Variants in NAAA observed in about 807,000 individuals in gnomAD.
The protein encoded by NAAA is N-acylethanolamine acid amidase.
In NAAA, 39 loss-of-function variants were observed where a neutral mutation model predicts 44.8. The observed-to-expected ratio is 0.87, with a 90% CI of 0.67 to 1.14. NAAA has a LOEUF of 1.14. Ranked by LOEUF, NAAA falls within the 50% of genes most tolerant of loss-of-function variation. The probability of loss-of-function intolerance (pLI) is 0.00; values close to 1 mark genes in which losing one functional copy is unlikely to be tolerated. For missense variants in NAAA, 460 were observed against 467.8 expected, an observed-to-expected ratio of 0.98 and a Z score of 0.15; for synonymous variants, 178 against 191.3, an observed-to-expected ratio of 0.93 and a Z score of 0.58.
chr4:75,923,110 A>G (rs1218323425), intron 5 of NAAA, among the ~76,000 whole-genome samples: 2 of 151,524 alleles, frequency 1.3e-5, no homozygotes, highest in African/African-American at 4.9e-5. Context: ...TGGGGTCTCA[A>G]TGTTGTCTGT....
intron 8 of NAAA, 147 bp downstream of exon 8, chr4:75,919,762 G>A: frequency 1.3e-6 from 1 of 782,432 alleles, no homozygotes; most frequent in Non-Finnish European, 2.1e-6. Context: ...ACAGGTGTGA[G>A]CCACCACTTT....
Position 75,937,722 on chromosome 4 carries a change from A to T in NAAA, c.372-1487T>A, listed in dbSNP as rs189493877. Among the ~76,000 whole-genome samples, 149 of 152,332 alleles carry T rather than the reference A, an allele frequency of 9.8e-4. 1 individual carries two copies. The highest frequency in any genetic ancestry group is 3.4e-3 in the African/African-American group (143 of 41,578). Reference sequence around the variant, plus strand: ...AGGCTGGTCTCGAACTCCTGGGCTCAAGAGATCCATCCACCTCAGCCTCCC... The same window carrying T: ...AGGCTGGTCTCGAACTCCTGGGCTCTAGAGATCCATCCACCTCAGCCTCCC... On this transcript the variant is annotated intron_variant, in intron 2 of 10. Coordinates refer to ENST00000286733, the MANE Select transcript of NAAA (RefSeq NM_014435.4).
At position 75,914,211 on chromosome 4, in the gene NAAA, C is replaced by A. The variant is rs1513890; in HGVS notation, c.*164G>T. The A allele has an allele frequency of 0.061, 59,730 of 985,584 alleles. 2,646 individuals carry two copies. The highest frequency in any genetic ancestry group is 0.22 in the African/African-American group (12,539 of 57,220). 61.1% of individuals were successfully genotyped at this position (985,584 alleles called of 1,614,324 possible). On this transcript the variant is annotated 3_prime_UTR_variant, in exon 11 of 11. Coordinates refer to ENST00000286733, the MANE Select transcript of NAAA (RefSeq NM_014435.4). ...ACCACAAACTCCAAATCTCCTGGACCCACTTCGCAAGGTTGTAAAGTTAAA... is the reference window on the plus strand; with the variant it reads ...ACCACAAACTCCAAATCTCCTGGACACACTTCGCAAGGTTGTAAAGTTAAA...
At chr4:75,917,867 C>T (rs1725777979) in intron 9 of NAAA, 1 of 331,858 alleles carries the variant, frequency 3.0e-6, no homozygotes, top group Non-Finnish European at 5.9e-6. Context: ...CAGAATGCTG[C>T]TATCAAGGGT....
At position 75,920,944 on chromosome 4, in the gene NAAA, T is replaced by C; in HGVS notation, c.839+7A>G. ...ACAAAATGACCAGAGCTTTCAATTC[T>C]ACTTACGCTCCATTCAAAGGATCTA... is the stretch of plus-strand genomic sequence containing the variant. On this transcript the variant is annotated splice_region_variant and intron_variant, in intron 6 of 10. Transcript: ENST00000286733. The C allele has an allele frequency of 6.2e-7, 1 of 1,613,764 alleles. No individual in the cohort carries two copies. Among genetic ancestry groups the C allele is most frequent in the South Asian group, 1.1e-5 (1 of 91,024 alleles).
Position 75,936,342 on chromosome 4 carries a change from C to G in NAAA, c.372-107G>C, listed in dbSNP as rs1326208495. Reference sequence around the variant, plus strand: ...AATCCTCAAAGTAAAAGTTTTTCTTCCTTATAACTGATATATGTGCTATAA... The same window carrying G: ...AATCCTCAAAGTAAAAGTTTTTCTTGCTTATAACTGATATATGTGCTATAA... On this transcript the variant is annotated intron_variant, in intron 2 of 10. Coordinates refer to ENST00000286733, the MANE Select transcript of NAAA (RefSeq NM_014435.4). The G allele has an allele frequency of 3.2e-6, 4 of 1,267,576 alleles. No individual in the cohort carries two copies. The East Asian group carries it at 9.3e-5, about 30-fold the overall frequency. 78.5% of individuals were successfully genotyped at this position (1,267,576 alleles called of 1,614,324 possible). A position where few individuals can be genotyped will look rare whatever the true frequency, so the allele number is the denominator to read the frequency against.
rs573434883 is a variant in NAAA at position 75,919,858 on chromosome 4, T to G, written c.969+51A>C. 5.3e-6 allele frequency: 8 copies of G among 1,514,592 alleles called. No homozygotes were observed. The African/African-American group carries it at 1.1e-4, about 21-fold the overall frequency. The allele number at this position is 1,514,592 out of a possible 1,614,324, so 93.8% of individuals were successfully genotyped here. A position where few individuals can be genotyped will look rare whatever the true frequency, so the allele number is the denominator to read the frequency against. ...TCACGGAGTTTTTCATATTCACTAT[T>G]AACAAAACACCAAACATCCTAGGTA... On this transcript the variant is annotated intron_variant, in intron 8 of 10. Coordinates refer to ENST00000286733, the MANE Select transcript of NAAA (RefSeq NM_014435.4).
Position 75,914,223 on chromosome 4 carries a change from G to T in NAAA, c.*152C>A, listed in dbSNP as rs1725460159. ...AAATCTCCTGGACCCACTTCGCAAGGTTGTAAAGTTAAATGAGGAAGGAGC... is the reference window on the plus strand; with the variant it reads ...AAATCTCCTGGACCCACTTCGCAAGTTTGTAAAGTTAAATGAGGAAGGAGC... On this transcript the variant is annotated 3_prime_UTR_variant, in exon 11 of 11. Coordinates refer to ENST00000286733, the MANE Select transcript of NAAA (RefSeq NM_014435.4). 4.1e-6 allele frequency: 4 copies of T among 985,766 alleles called. No individual in the cohort carries two copies. Among genetic ancestry groups the T allele is most frequent in the East Asian group, 1.1e-4 (1 of 8,822 alleles). The allele number at this position is 985,766 out of a possible 1,614,324, so 61.1% of individuals were successfully genotyped here.
downstream of NAAA, among the ~76,000 whole-genome samples, chr4:75,911,627 T>C (rs1440165010): frequency 1.3e-5 from 2 of 152,176 alleles, no homozygotes; most frequent in Non-Finnish European, 2.9e-5. Context: ...TGGTCACAGG[T>C]CCTGGTGGGG....
At chr4:75,929,981 C>T (rs1319712485) in intron 4 of NAAA, among the ~76,000 whole-genome samples, 1 of 152,048 alleles carries the variant, frequency 6.6e-6, no homozygotes, top group Non-Finnish European at 1.5e-5. Flanking sequence ...CCCAGCTACT[C>T]AGGAAGCTGA....
chr4:75,925,395 C>T (rs979799582), intron 5 of NAAA, among the ~76,000 whole-genome samples: 1 of 152,196 alleles, frequency 6.6e-6, no homozygotes, highest in Non-Finnish European at 1.5e-5. Flanking sequence ...GAACCGATCC[C>T]GCCTTTCCAC....
intron 3 of NAAA, among the ~76,000 whole-genome samples, chr4:75,932,404 C>T (rs1166059012): frequency 5.9e-5 from 9 of 151,976 alleles, no homozygotes; most frequent in Non-Finnish European, 5.9e-5. Context: ...TCATTTAATC[C>T]TCACAACTAT....
At chr4:75,938,326 A>G (rs2149290260) in intron 2 of NAAA, among the ~76,000 whole-genome samples, 1 of 152,374 alleles carries the variant, frequency 6.6e-6, no homozygotes, top group South Asian at 2.1e-4. Flanking sequence ...TGTTTTTACT[A>G]GAACTTTTGC....
At chr4:75,927,632 TGCC>T (rs776367490) in intron 4 of NAAA, among the ~76,000 whole-genome samples, 1 of 16,750 alleles carries the variant, frequency 6.0e-5, no homozygotes, top group Non-Finnish European at 1.1e-4. Context: ...AAATTTTTAA[TGCC>T]CCCCCCCCCC....
At chr4:75,925,864 T>C in intron 4 of NAAA, 53 bp from the exon 5 acceptor site, 1 of 1,495,140 alleles carries the variant, frequency 6.7e-7, no homozygotes, top group Non-Finnish European at 9.3e-7. Flanking sequence ...TGTACACACA[T>C]GAAACAGATA....
rs987692883 is a variant in NAAA, at chr4:75,939,986, G to C, written c.371+15C>G. The C allele has an allele frequency of 5.0e-6, 8 of 1,612,786 alleles. No homozygotes were observed. In the African/African-American group the frequency reaches 9.3e-5, roughly 19 times the overall value. The stretch of plus-strand genomic sequence containing the variant: ...GCAAGCCCCGCGTTACTCCGCGCGG[G>C]CTTGGGGCACTCACACGGAGGACTC... On this transcript the variant is annotated intron_variant, in intron 2 of 10. Coordinates refer to ENST00000286733, the MANE Select transcript of NAAA (RefSeq NM_014435.4).
At chr4:75,919,811 C>T (rs542925594) in intron 8 of NAAA, 98 bp downstream of exon 8, 25 of 1,211,908 alleles carry the variant, frequency 2.1e-5, no homozygotes, top group Middle Eastern at 1.9e-4. Context: ...TTTACCCTAA[C>T]GTTTTCATCT....
At chr4:75,917,229 ACAGTC>A in intron 9 of NAAA, 1 of 320,240 alleles carries the variant, frequency 3.1e-6, no homozygotes, top group Non-Finnish European at 4.5e-6. Flanking sequence ...GCTAGCTCCT[ACAGTC>A]TGGTGAGGGC....
chr4:75,924,706 A>G (rs1726492412), intron 5 of NAAA, among the ~76,000 whole-genome samples: 1 of 152,206 alleles, frequency 6.6e-6, no homozygotes, highest in Non-Finnish European at 1.5e-5. Context: ...TCAATCAGCT[A>G]TTGTGGAAAA....
Sources: gnomAD v4.1 joint callset for allele counts (sites outside exome capture counted in the v4.1 genomes callset) on GRCh38, gnomAD v4.1.1 for gene constraint, MANE v1.5 for transcripts, NCBI Gene and HGNC (gene_info 2026-07-23, HGNC 2026-07-21) for gene names.